MECOM: variants seen among roughly 807,000 people sequenced by gnomAD.
The protein encoded by MECOM is histone-lysine N-methyltransferase MECOM.
MECOM carries 13 observed loss-of-function variants against 116.3 expected under a neutral mutation model. The observed-to-expected ratio is 0.11, with a 90% CI of 0.07 to 0.18. The LOEUF (loss-of-function observed/expected upper bound fraction) is 0.18, where lower values mean the gene tolerates loss of function less well. Ranked by LOEUF, MECOM falls within the 10% of genes least tolerant of loss-of-function variation. The pLI is 1.00. For synonymous variants in MECOM, 528 were observed against 535.2 expected (o/e 0.99, Z 0.19); for missense variants, 1,299 against 1,509.0 (o/e 0.86, Z 2.31).
chr3:169,240,615 G>A (rs1304805666), intron 2 of MECOM, among the ~76,000 whole-genome samples: 1 of 152,114 alleles, frequency 6.6e-6, no homozygotes, highest in Non-Finnish European at 1.5e-5. Flanking sequence ...CTGCAGAAGA[G>A]AATCTTAGGA....
intron 1 of MECOM, among the ~76,000 whole-genome samples, chr3:169,550,906 C>T (rs1468114820): frequency 1.1e-5 from 1 of 90,964 alleles, no homozygotes; most frequent in Middle Eastern, 4.7e-3. Context: ...TCACTGCAAG[C>T]TCCGCCTCCC....
chr3:169,511,846 T>A (rs756898529), intron 1 of MECOM, among the ~76,000 whole-genome samples: 6 of 152,240 alleles, frequency 3.9e-5, no homozygotes, highest in Non-Finnish European at 7.3e-5. Flanking sequence ...GACATCTGTT[T>A]AACAATTTCT....
At chr3:169,151,923 T>C (rs1001813947) in intron 2 of MECOM, among the ~76,000 whole-genome samples, 19 of 152,234 alleles carry the variant, frequency 1.2e-4, no homozygotes, top group African/African-American at 4.3e-4. Context: ...TTTTATTTAA[T>C]AGAGTAAACT....
intron 1 of MECOM, among the ~76,000 whole-genome samples, chr3:169,481,324 G>A (rs1035226739): frequency 5.9e-5 from 9 of 152,114 alleles, no homozygotes; most frequent in Non-Finnish European, 7.4e-5. Flanking sequence ...AGGACGAGGC[G>A]GGTGGATCAA....
At chr3:169,342,282 T>C (rs1004254224) in intron 2 of MECOM, among the ~76,000 whole-genome samples, 21 of 151,966 alleles carry the variant, frequency 1.4e-4, no homozygotes, top group African/African-American at 5.1e-4. Flanking sequence ...TATTTATATA[T>C]AAAATATCTG....
At chr3:169,645,465 G>T (rs1049646353) in intron 1 of MECOM, among the ~76,000 whole-genome samples, 14 of 152,096 alleles carry the variant, frequency 9.2e-5, no homozygotes, top group African/African-American at 2.2e-4. Flanking sequence ...TGATTCTGGG[G>T]TTTTTTTCTA....
intron 1 of MECOM, among the ~76,000 whole-genome samples, chr3:169,509,559 C>G (rs1185136851): frequency 6.6e-6 from 1 of 152,146 alleles, no homozygotes; most frequent in Non-Finnish European, 1.5e-5. Flanking sequence ...TACTTTCTGT[C>G]TCTGTGAATT....
At chr3:169,521,303 G>T (rs2109084257) in intron 1 of MECOM, among the ~76,000 whole-genome samples, 1 of 152,266 alleles carries the variant, frequency 6.6e-6, no homozygotes, top group Non-Finnish European at 1.5e-5. Flanking sequence ...CCAAGCTCAG[G>T]GTAAGTGTCT....
At position 169,486,016 on chromosome 3, in the gene MECOM, A is replaced by G. The variant is rs532271149; in HGVS notation, c.38-104492T>C. 6.4e-4 allele frequency among the ~76,000 whole-genome samples: 73 copies of G among 114,598 alleles called. 2 individuals carry two copies. The highest frequency in any genetic ancestry group is 1.0e-3 in the South Asian group (4 of 3,830). The allele number at this position is 114,598 out of a possible 152,430, so 75.2% of individuals were successfully genotyped here. Reference sequence around the variant, plus strand: ...ATATGTATATATATACTATATATATATGTATATATAGTATATATATATATG... The same window carrying G: ...ATATGTATATATATACTATATATATGTGTATATATAGTATATATATATATG... On this transcript the variant is annotated intron_variant, in intron 1 of 16. Transcript: ENST00000651503.
intron 2 of MECOM, among the ~76,000 whole-genome samples, chr3:169,306,046 C>G (rs1391878017): frequency 1.3e-5 from 2 of 152,088 alleles, no homozygotes; most frequent in Non-Finnish European, 2.9e-5. Flanking sequence ...TGTTACCGCT[C>G]TGTTCCTTTC....
rs1465253942 is a variant in MECOM at position 169,472,498 on chromosome 3, G to A, written c.38-90974C>T. ...GAAAGGAAAGGAAAGGAAAGGAAAGGAAAGGAAAGGAAAGGAAAGGAAAGA... is the reference window on the plus strand; with the variant it reads ...GAAAGGAAAGGAAAGGAAAGGAAAGAAAAGGAAAGGAAAGGAAAGGAAAGA... On this transcript the variant is annotated intron_variant, in intron 1 of 16. Transcript: ENST00000651503. Among the ~76,000 whole-genome samples, 110 of 81,376 alleles carry A rather than the reference G, an allele frequency of 1.4e-3. 9 individuals carry two copies. Among genetic ancestry groups the A allele is most frequent in the African/African-American group, 5.4e-3 (96 of 17,668 alleles). The allele number at this position is 81,376 out of a possible 152,430, so 53.4% of individuals were successfully genotyped here.
chr3:169,486,384 T>C (rs2108891830), intron 1 of MECOM, among the ~76,000 whole-genome samples: 2 of 152,102 alleles, frequency 1.3e-5, no homozygotes, highest in Admixed American at 1.3e-4. Flanking sequence ...ATCAAGTGTT[T>C]ATGAGAGAAG....
chr3:169,439,126 T>C (rs1245615798), intron 1 of MECOM, among the ~76,000 whole-genome samples: 2 of 147,542 alleles, frequency 1.4e-5, no homozygotes, highest in African/African-American at 4.9e-5. Flanking sequence ...ATTAATATTA[T>C]TTAATATTAA....
intron 2 of MECOM, among the ~76,000 whole-genome samples, chr3:169,262,611 C>T (rs187653303): frequency 7.9e-5 from 12 of 152,230 alleles, no homozygotes; most frequent in Admixed American, 4.6e-4. Context: ...CCATTATTCT[C>T]TTCTCCTCCC....
At chr3:169,095,617 G>A (rs112540089) in intron 12 of MECOM, among the ~76,000 whole-genome samples, 24 of 152,050 alleles carry the variant, frequency 1.6e-4, no homozygotes, top group African/African-American at 5.1e-4. Context: ...CATTCATATA[G>A]TTTTCAAATA....
At chr3:169,131,330 C>T in intron 4 of MECOM, 99 bp downstream of exon 4, 1 of 1,055,450 alleles carries the variant, frequency 9.5e-7, no homozygotes, top group Non-Finnish European at 1.4e-6. Flanking sequence ...ATTGAAAAGC[C>T]AGGGAAACTA....
At chr3:169,227,738 GC>G (rs1324737237) in intron 2 of MECOM, among the ~76,000 whole-genome samples, 1 of 152,140 alleles carries the variant, frequency 6.6e-6, no homozygotes, top group Non-Finnish European at 1.5e-5. Flanking sequence ...GGAATAAAAT[GC>G]TTGTTTTAAA....
intron 1 of MECOM, among the ~76,000 whole-genome samples, chr3:169,511,551 C>T (rs754894021): frequency 1.3e-5 from 2 of 152,132 alleles, no homozygotes; most frequent in Admixed American, 6.5e-5. Context: ...CACTTGAGGC[C>T]GGGAGTTCAA....
At chr3:169,472,664 A>AG (rs1491475670) in intron 1 of MECOM, among the ~76,000 whole-genome samples, 3,594 of 129,500 alleles carry the variant, frequency 0.028, 339 homozygotes, top group African/African-American at 0.093. Flanking sequence ...AAAAGAAAGG[A>AG]AAGGAAAGGA....
Sources: gnomAD v4.1 joint callset for allele counts (sites outside exome capture counted in the v4.1 genomes callset) on GRCh38, gnomAD v4.1.1 for gene constraint, MANE v1.5 for transcripts, NCBI Gene and HGNC (gene_info 2026-07-23, HGNC 2026-07-21) for gene names.